Variants in CRX observed in about 807,000 individuals in gnomAD.
CRX encodes cone-rod homeobox.
In CRX, 5 loss-of-function variants were observed where a neutral mutation model predicts 13.1. The observed-to-expected ratio is 0.38, with a 90% CI of 0.20 to 0.80. CRX has a LOEUF of 0.80. CRX is among the 30% of genes least tolerant of loss of function. The pLI, the probability that CRX is intolerant of heterozygous loss-of-function variation, is 0.43. For missense variants in CRX, 351 were observed against 391.8 expected (o/e 0.90, Z 0.88); for synonymous variants, 179 against 171.1 (o/e 1.05, Z -0.36).
intron 1 of CRX, among the ~76,000 whole-genome samples, chr19:47,824,838 C>A (rs1433354571): frequency 6.6e-6 from 1 of 152,008 alleles, no homozygotes; most frequent in Non-Finnish European, 1.5e-5. Context: ...TTGTTCCACC[C>A]CTTGAAATCA....
Position 47,839,309 on chromosome 19 carries a change from T to C in CRX, c.253-11T>C, listed in dbSNP as rs199991284. ...CACTTACCCACCCCCATCTCCGCTC[T>C]TATCCCCCAGGTTTGGTTCAAGAAC... is the stretch of plus-strand genomic sequence containing the variant. On this transcript the variant is annotated splice_polypyrimidine_tract_variant and intron_variant, in intron 3 of 3. Coordinates refer to ENST00000221996, the MANE Select transcript of CRX (RefSeq NM_000554.6). This position sits in a 1 kb window ranked among gnomAD's most constrained non-coding sequence, Gnocchi z 4.6. 198 of 1,612,624 alleles carry C rather than the reference T, an allele frequency of 1.2e-4. No homozygotes were observed. The highest frequency in any genetic ancestry group is 1.5e-4 in the Non-Finnish European group (176 of 1,179,530).
At position 47,839,203 on chromosome 19, in the gene CRX, T is replaced by G. The variant is rs1414056140; in HGVS notation, c.253-117T>G. 1.5e-5 allele frequency: 17 copies of G among 1,115,468 alleles called. No individual in the cohort carries two copies. The highest frequency in any genetic ancestry group is 1.9e-5 in the Non-Finnish European group (15 of 780,022). 69.1% of individuals were successfully genotyped at this position (1,115,468 alleles called of 1,614,324 possible). On this transcript the variant is annotated intron_variant, in intron 3 of 3. Coordinates refer to ENST00000221996, the MANE Select transcript of CRX (RefSeq NM_000554.6). The surrounding 1 kb of genome is among the most constrained non-coding windows in gnomAD (Gnocchi z 4.6). ...AGACGCCCCACAGCTGGATGCAAAG[T>G]AGACAGATGTGAACCCAGCACCTCT...
rs202224690 is a variant in CRX, at chr19:47,829,060, G to A, written c.-35-5349G>A. ...GGGAATTTTCTACGCATATACAAGT[G>A]TATATTCTACACATGAGTAAAATCA... On this transcript the variant is annotated intron_variant, in intron 1 of 3. Transcript: ENST00000221996. 3.3e-5 allele frequency among the ~76,000 whole-genome samples: 5 copies of A among 151,978 alleles called. No individual in the cohort carries two copies. In the East Asian group the frequency reaches 5.8e-4, roughly 18 times the overall value.
At chr19:47,828,131 G>T (rs2123732436) in intron 1 of CRX, among the ~76,000 whole-genome samples, 1 of 151,950 alleles carries the variant, frequency 6.6e-6, no homozygotes, top group East Asian at 2.0e-4. Context: ...TCCAGCCTGG[G>T]GGACAAGAGT....
chr19:47,840,338 C>T lies in CRX; in HGVS notation c.*371C>T. On this transcript the variant is annotated 3_prime_UTR_variant, in exon 4 of 4. Transcript: ENST00000221996. ...CATGTTTAGGTCAGAATCACCGTGCCCTTGAACAAGCAGGTAGGGGGGCTT... is the reference window on the plus strand; with the variant it reads ...CATGTTTAGGTCAGAATCACCGTGCTCTTGAACAAGCAGGTAGGGGGGCTT... 3.9e-6 allele frequency: 1 copy of T among 256,592 alleles called. No individual in the cohort carries two copies. The highest frequency in any genetic ancestry group is 5.3e-5 in the South Asian group (1 of 18,966). The allele number at this position is 256,592 out of a possible 1,614,324, so 15.9% of individuals were successfully genotyped here. A position where few individuals can be genotyped will look rare whatever the true frequency, so the allele number is the denominator to read the frequency against.
At chr19:47,838,601 G>A (rs1480689629) in intron 3 of CRX, among the ~76,000 whole-genome samples, 1 of 152,122 alleles carries the variant, frequency 6.6e-6, no homozygotes, top group Non-Finnish European at 1.5e-5. Context: ...AGATGAGCCA[G>A]TGAATGTATG....
intron 1 of CRX, among the ~76,000 whole-genome samples, chr19:47,826,140 A>G (rs1373492048): frequency 6.6e-6 from 1 of 152,118 alleles, no homozygotes; most frequent in African/African-American, 2.4e-5. Flanking sequence ...TTCATATTTA[A>G]CATTATTGGT....
chr19:47,828,628 T>G (rs1968005811), intron 1 of CRX, among the ~76,000 whole-genome samples: 2 of 150,754 alleles, frequency 1.3e-5, no homozygotes, highest in East Asian at 3.9e-4. Context: ...TGTGTGTGTG[T>G]GTAAAATCCA....
At chr19:47,837,377 G>A (rs1968130127) in intron 3 of CRX, among the ~76,000 whole-genome samples, 1 of 152,112 alleles carries the variant, frequency 6.6e-6, no homozygotes, top group African/African-American at 2.4e-5. Context: ...ATGTTGGCCA[G>A]GCTGGTCTCA....
intron 1 of CRX, among the ~76,000 whole-genome samples, chr19:47,825,665 A>C (rs974229376): frequency 1.4e-4 from 22 of 151,988 alleles, no homozygotes; most frequent in African/African-American, 5.3e-4. Flanking sequence ...CACGCCTGTG[A>C]TTCCAGCACT....
At chr19:47,828,233 C>T (rs1599972491) in intron 1 of CRX, among the ~76,000 whole-genome samples, 1 of 152,034 alleles carries the variant, frequency 6.6e-6, no homozygotes, top group East Asian at 1.9e-4. Context: ...TCTATGAGAA[C>T]AGAGAAGCTG....
chr19:47,825,765 C>CAAAAAAAAAAAA (rs774130693), intron 1 of CRX, among the ~76,000 whole-genome samples: 6 of 143,494 alleles, frequency 4.2e-5, no homozygotes, highest in Non-Finnish European at 4.6e-5. Context: ...ACTAAAAATA[C>CAAAAAAAAAAAA]AAAAAAAAAA....
chr19:47,824,177 G>A (rs1263049767), intron 1 of CRX, among the ~76,000 whole-genome samples: 4 of 152,196 alleles, frequency 2.6e-5, no homozygotes, highest in African/African-American at 7.2e-5. Context: ...GTGAAGAGCG[G>A]GGCTCGGGGG....
intron 1 of CRX, among the ~76,000 whole-genome samples, chr19:47,825,657 C>T (rs573182554): frequency 9.2e-5 from 14 of 152,194 alleles, no homozygotes; most frequent in African/African-American, 2.9e-4. Context: ...CTGTGGCCCA[C>T]GCCTGTGATT....
Position 47,841,831 on chromosome 19 carries a change from A to C in CRX, c.*1864A>C, listed in dbSNP as rs1448683806. 6.7e-6 allele frequency: 1 copy of C among 149,118 alleles called. No individual in the cohort carries two copies. The highest frequency in any genetic ancestry group is 2.5e-5 in the African/African-American group (1 of 40,464). 9.2% of individuals were successfully genotyped at this position (149,118 alleles called of 1,614,324 possible). On this transcript the variant is annotated 3_prime_UTR_variant, in exon 4 of 4. Transcript: ENST00000221996. Reference sequence around the variant, plus strand: ...GGGAGGCGGGTTCCAAGAGCCCTTCATTGGTGGAGTTCACAAGGCAAGGTG... The same window carrying C: ...GGGAGGCGGGTTCCAAGAGCCCTTCCTTGGTGGAGTTCACAAGGCAAGGTG...
intron 1 of CRX, among the ~76,000 whole-genome samples, chr19:47,825,765 C>CAAAAA (rs774130693): frequency 1.4e-5 from 2 of 143,496 alleles, no homozygotes; most frequent in Non-Finnish European, 3.1e-5. Flanking sequence ...ACTAAAAATA[C>CAAAAA]AAAAAAAAAA....
rs370919775 is a variant in CRX at position 47,835,227 on chromosome 19, A to ATT, written c.100+694_100+695dup. 6.1e-3 allele frequency among the ~76,000 whole-genome samples: 903 copies of ATT among 147,492 alleles called. 5 individuals carry two copies. The highest frequency in any genetic ancestry group is 0.019 in the African/African-American group (767 of 39,862). On this transcript the variant is annotated intron_variant, in intron 2 of 3. Transcript: ENST00000221996. ...ACAAAACATAGAAAAAATTATTATT[A>ATT]TTTTTTTTTTTGTAGAGATTGGGTC...
intron 1 of CRX, among the ~76,000 whole-genome samples, chr19:47,828,589 G>A (rs976115726): frequency 4.2e-5 from 6 of 142,542 alleles, no homozygotes; most frequent in Non-Finnish European, 6.1e-5. Flanking sequence ...TACAAGCTGT[G>A]TCTTGAAGAA....
intron 1 of CRX, among the ~76,000 whole-genome samples, chr19:47,825,349 C>A (rs532866970): frequency 2.0e-5 from 3 of 152,226 alleles, no homozygotes; most frequent in Admixed American, 6.6e-5. Flanking sequence ...CAGCCTCCAA[C>A]TCCTGGGCTC....
Sources: allele counts gnomAD v4.1 joint callset (sites outside exome capture counted in the v4.1 genomes callset), GRCh38; gene constraint gnomAD v4.1.1; non-coding constraint Gnocchi (gnomAD v3.1); transcripts MANE v1.5; gene names NCBI Gene and HGNC (gene_info 2026-07-23, HGNC 2026-07-21).